The following RUSC2 variants were observed in gnomAD, a reference collection of about 807,000 sequenced individuals.
The protein encoded by RUSC2 is RUN and SH3 domain containing 2.
In RUSC2, 34 loss-of-function variants were observed where a neutral mutation model predicts 122.2. The observed-to-expected ratio is 0.28, with a 90% CI of 0.21 to 0.37. The LOEUF (loss-of-function observed/expected upper bound fraction) is 0.37. Ranked by LOEUF, RUSC2 falls within the 10% of genes least tolerant of loss-of-function variation. The pLI is 1.00. For missense variants in RUSC2, 1,747 were observed against 1,952.4 expected, an observed-to-expected ratio of 0.89 and a Z score of 1.98; for synonymous variants, 784 against 790.0, an observed-to-expected ratio of 0.99 and a Z score of 0.13.
Position 35,561,285 on chromosome 9 carries a change from T to C in RUSC2, c.4454T>C (p.Leu1485Pro). 1 of 1,614,096 alleles carries C rather than the reference T, an allele frequency of 6.2e-7. No homozygotes were observed. Among genetic ancestry groups the C allele is most frequent in the Non-Finnish European group, 8.5e-7 (1 of 1,180,002 alleles). The change falls in exon 12 of 12, where the codon CTG becomes CCG. Residue 1485 changes from leucine to proline, a missense_variant. Physicochemically the swap from Leu to Pro is moderately conservative, Grantham distance 98. Transcript: ENST00000361226. The stretch of plus-strand genomic sequence containing the variant: ...CTGGGGCGAGCTGGAGGAGACTGGC[T>C]GCGCTGCAGCCGTGGCCCCGACTCT... ...RVLGRAGGDW[L>P]RCSRGPDSGL...
chr9:35,549,326 GCT>G, intron 2 of RUSC2: 1 of 727,442 alleles, frequency 1.4e-6, no homozygotes, highest in Non-Finnish European at 1.7e-6. Flanking sequence ...ACGGAGTCTT[GCT>G]CTTTCGCCCA....
At position 35,561,305 on chromosome 9, in the gene RUSC2, G is replaced by A. The variant is rs532923022; in HGVS notation, c.4474G>A (p.Asp1492Asn). ...GDWLRCSRGP[D>N]SGLVPLAYVT... ...CTGGCTGCGCTGCAGCCGTGGCCCC[G>A]ACTCTGGCCTGGTGCCCCTGGCCTA... is the stretch of plus-strand genomic sequence containing the variant. Residue 1492 changes from aspartate to asparagine, a missense_variant, in exon 12 of 12, where the codon GAC becomes AAC. Physicochemically the swap from Asp to Asn is conservative, Grantham distance 23 (BLOSUM62 1). Transcript: ENST00000361226. 12 of 1,614,116 alleles carry A rather than the reference G, an allele frequency of 7.4e-6. No individual in the cohort carries two copies. Among genetic ancestry groups the A allele is most frequent in the Admixed American group, 6.7e-5 (4 of 60,018 alleles).
At chr9:35,510,868 T>C (rs78585284) in intron 1 of RUSC2, among the ~76,000 whole-genome samples, 1 of 152,216 alleles carries the variant, frequency 6.6e-6, no homozygotes, top group Non-Finnish European at 1.5e-5. Context: ...CTTGTTCTTA[T>C]TCTGAGATTT....
At chr9:35,494,580 C>T (rs966768039) in intron 1 of RUSC2, among the ~76,000 whole-genome samples, 4 of 152,004 alleles carry the variant, frequency 2.6e-5, no homozygotes, top group Admixed American at 6.6e-5. Flanking sequence ...TCATACCTAT[C>T]GGCCATTTGT....
At chr9:35,498,699 T>C (rs1820765575) in intron 1 of RUSC2, among the ~76,000 whole-genome samples, 1 of 148,818 alleles carries the variant, frequency 6.7e-6, no homozygotes, top group South Asian at 2.1e-4. Context: ...TCTACTAAAA[T>C]TCAAAAAAAA....
chr9:35,547,272 C>T lies in RUSC2; in HGVS notation c.751C>T (p.Arg251Cys), dbSNP rs200783679. The T allele has an allele frequency of 4.3e-5, 70 of 1,614,178 alleles. No homozygotes were observed. In the Middle Eastern group the frequency reaches 1.2e-3, roughly 27 times the overall value. ...CTCCGGCTCAGGGGACCAGCACTGC[C>T]GCTGCAGTAGCACATCCAGTCAGTC... is the stretch of plus-strand genomic sequence containing the variant. ...GCSGSGDQHC[R>C]CSSTSSQSEA... Residue 251 changes from arginine to cysteine, a missense_variant, in exon 2 of 12, where the codon CGC (arginine) becomes TGC (cysteine). Coordinates refer to ENST00000361226, the MANE Select transcript of RUSC2 (RefSeq NM_014806.5). The surrounding 1 kb of genome is among the most constrained non-coding windows in gnomAD (Gnocchi z 4.6).
rs1822020182 is a variant in RUSC2, at chr9:35,556,395, T to C, written c.2930T>C (p.Leu977Pro). The change falls in exon 5 of 12, where the codon CTG (leucine) becomes CCG (proline). Residue 977 changes from leucine (L) to proline (P), a missense_variant. Leu to Pro is a moderately conservative substitution (Grantham distance 98, BLOSUM62 -3). Coordinates refer to ENST00000361226, the MANE Select transcript of RUSC2 (RefSeq NM_014806.5). The part of the protein sequence containing the change: ...LTEKPPAEFC[L>P]SPDGSSEAIS... ...GAGAAGCCTCCAGCTGAGTTTTGTC[T>C]GTCCCCAGATGGCAGCTCAGAGGCC... The C allele has an allele frequency of 6.2e-7, 1 of 1,614,250 alleles. No homozygotes were observed. Among genetic ancestry groups the C allele is most frequent in the African/African-American group, 1.3e-5 (1 of 75,064 alleles).
At chr9:35,559,966 A>T in intron 9 of RUSC2, 63 bp from the exon 10 acceptor site, 1 of 1,406,176 alleles carries the variant, frequency 7.1e-7, no homozygotes, top group Non-Finnish European at 9.7e-7. Flanking sequence ...CTGTCTTTCA[A>T]AGTCCCACTT....
intron 1 of RUSC2, among the ~76,000 whole-genome samples, chr9:35,517,608 G>A (rs1433578562): frequency 1.3e-5 from 2 of 152,158 alleles, no homozygotes; most frequent in African/African-American, 4.8e-5. Flanking sequence ...ATAAGTTAGT[G>A]GAAATTAATA....
intron 1 of RUSC2, among the ~76,000 whole-genome samples, chr9:35,490,769 CCGTCCCCTACTACTGCA>C (rs1820550871): frequency 5.9e-5 from 9 of 152,196 alleles, no homozygotes; most frequent in African/African-American, 2.2e-4. Context: ...TTGGCAGTAA[CCGTCCCCTACTACTGCA>C]CTCACTTGCC....
rs551103257 is a variant in RUSC2, at chr9:35,558,046, C to T, written c.3060+56C>T. 152 of 1,582,674 alleles carry T rather than the reference C, an allele frequency of 9.6e-5. 1 individual carries two copies. In the South Asian group the frequency reaches 1.3e-3, roughly 13 times the overall value. On this transcript the variant is annotated intron_variant, in intron 6 of 11. Transcript: ENST00000361226. The surrounding 1 kb of genome is among the most constrained non-coding windows in gnomAD (Gnocchi z 4.3). ...TGCCTGCAAGCCCTCACCTGTCCCGCGCTACCACCTTCCCTTGCTGTCTTG... is the reference window on the plus strand; with the variant it reads ...TGCCTGCAAGCCCTCACCTGTCCCGTGCTACCACCTTCCCTTGCTGTCTTG...
rs578010383 is a variant in RUSC2, at chr9:35,547,271, C to T, written c.750C>T (p.Cys250=). The change falls in exon 2 of 12, where the codon TGC becomes TGT. Residue 250 remains cysteine, a synonymous_variant. Coordinates refer to ENST00000361226, the MANE Select transcript of RUSC2 (RefSeq NM_014806.5). This position sits in a 1 kb window ranked among gnomAD's most constrained non-coding sequence, Gnocchi z 4.6. The part of the protein sequence containing the change: ...PGCSGSGDQH[C]RCSSTSSQSE... The stretch of plus-strand genomic sequence containing the variant: ...GCTCCGGCTCAGGGGACCAGCACTG[C>T]CGCTGCAGTAGCACATCCAGTCAGT... 1 of 1,614,202 alleles carries T rather than the reference C, an allele frequency of 6.2e-7. No homozygotes were observed. The highest frequency in any genetic ancestry group is 1.7e-5 in the Admixed American group (1 of 60,016).
chr9:35,553,496 A>G (rs1821942929), intron 2 of RUSC2, among the ~76,000 whole-genome samples: 1 of 152,246 alleles, frequency 6.6e-6, no homozygotes, highest in Non-Finnish European at 1.5e-5. Flanking sequence ...ATTGCTGGAA[A>G]GTTCAACAAT....
At chr9:35,496,552 A>T (rs867212040) in intron 1 of RUSC2, among the ~76,000 whole-genome samples, 12 of 152,148 alleles carry the variant, frequency 7.9e-5, no homozygotes, top group Admixed American at 7.9e-4. Context: ...TTGTAAACCA[A>T]GTTCTGTGAT....
chr9:35,560,829 C>A lies in RUSC2; in HGVS notation c.4189C>A (p.Arg1397=), dbSNP rs769521071. ...GHLFGSRKAQ[R]EARPTNRLPS... is the part of the protein sequence containing the mutation. ...CCTCTTTGGCTCCCGAAAAGCCCAG[C>A]GGGAGGCCCGGCCCACAAATAGGTG... The change falls in exon 10 of 12, where the codon CGG becomes AGG. Residue 1397 remains arginine, a synonymous_variant. Transcript: ENST00000361226. 2.0e-6 allele frequency: 3 copies of A among 1,530,732 alleles called. No homozygotes were observed. The African/African-American group carries it at 4.2e-5, about 21-fold the overall frequency. 94.8% of individuals were successfully genotyped at this position (1,530,732 alleles called of 1,614,324 possible).
At chr9:35,509,305 C>T (rs1016682009) in intron 1 of RUSC2, among the ~76,000 whole-genome samples, 2 of 152,146 alleles carry the variant, frequency 1.3e-5, no homozygotes, top group Admixed American at 6.5e-5. Flanking sequence ...AGCTGTGGAA[C>T]TTAGGGAGGG....
chr9:35,546,649 A>T lies in RUSC2; in HGVS notation c.128A>T (p.Asn43Ile), dbSNP rs1821750526. ...GGAGGTGGTGGGAGCACAAGACCTA[A>T]TCCCTTCTGCCCACCTGAGCTGGGC... ...AGGGGGSTRP[N>I]PFCPPELGIT... Residue 43 changes from asparagine to isoleucine, a missense_variant, in exon 2 of 12, where the codon AAT becomes ATT. By Grantham distance (149) the Asn-to-Ile change is moderately radical. Coordinates refer to ENST00000361226, the MANE Select transcript of RUSC2 (RefSeq NM_014806.5). The surrounding 1 kb of genome is among the most constrained non-coding windows in gnomAD (Gnocchi z 4.3). 1.3e-6 allele frequency: 2 copies of T among 1,572,716 alleles called. No individual in the cohort carries two copies. The highest frequency in any genetic ancestry group is 1.7e-6 in the Non-Finnish European group (2 of 1,160,122).
Position 35,558,681 on chromosome 9 carries a change from G to C in RUSC2, c.3341+114G>C, listed in dbSNP as rs544589462. 1 of 894,198 alleles carries C rather than the reference G, an allele frequency of 1.1e-6. No homozygotes were observed. The highest frequency in any genetic ancestry group is 1.4e-5 in the South Asian group (1 of 69,784). The allele number at this position is 894,198 out of a possible 1,614,324, so 55.4% of individuals were successfully genotyped here. ...GACAGACAGAAAGGGTGGATCTGGA[G>C]GGTCCCCTCAGCCCGCTATGGCCTC... On this transcript the variant is annotated intron_variant, in intron 8 of 11. Coordinates refer to ENST00000361226, the MANE Select transcript of RUSC2 (RefSeq NM_014806.5). This position sits in a 1 kb window ranked among gnomAD's most constrained non-coding sequence, Gnocchi z 4.3.
In RUSC2 at chr9:35,548,292, A is replaced by G. The variant is rs769266299; in HGVS notation, c.1771A>G (p.Thr591Ala). ...QDRGAPLDEGTCCSHSLPPMP... is the reference protein window; with the variant it reads ...QDRGAPLDEGACCSHSLPPMP... Reference sequence around the variant, plus strand: ...TCGGGGGGCCCCACTGGATGAGGGCACTTGCTGTAGCCATAGCCTGCCACC... The same window carrying G: ...TCGGGGGGCCCCACTGGATGAGGGCGCTTGCTGTAGCCATAGCCTGCCACC... The change falls in exon 2 of 12, where the codon ACT (threonine) becomes GCT (alanine). Residue 591 changes from threonine (T) to alanine (A), a missense_variant. Coordinates refer to ENST00000361226, the MANE Select transcript of RUSC2 (RefSeq NM_014806.5). The surrounding 1 kb of genome is among the most constrained non-coding windows in gnomAD (Gnocchi z 4.5). 1 of 1,614,014 alleles carries G rather than the reference A, an allele frequency of 6.2e-7. No individual in the cohort carries two copies. Among genetic ancestry groups the G allele is most frequent in the South Asian group, 1.1e-5 (1 of 91,086 alleles).
Sources: allele counts gnomAD v4.1 joint callset (sites outside exome capture counted in the v4.1 genomes callset), GRCh38; gene constraint gnomAD v4.1.1; non-coding constraint Gnocchi (gnomAD v3.1); transcripts MANE v1.5; gene names NCBI Gene and HGNC (gene_info 2026-07-23, HGNC 2026-07-21).